The following HOOK3 variants were observed in gnomAD, a reference collection of about 807,000 sequenced individuals.
HOOK3 encodes protein Hook homolog 3.
Under a neutral mutation model 116.3 loss-of-function variants are expected in HOOK3, and 24 were observed. The observed-to-expected ratio is 0.21, with a 90% confidence interval of 0.15 to 0.29. HOOK3 has a LOEUF of 0.29. Ranked by LOEUF, HOOK3 falls within the 10% of genes least tolerant of loss-of-function variation. The pLI is 1.00. For missense variants in HOOK3, 632 were observed against 830.2 expected, an observed-to-expected ratio of 0.76 and a Z score of 2.93; for synonymous variants, 275 against 283.0, an observed-to-expected ratio of 0.97 and a Z score of 0.28.
chr8:43,027,370 C>T lies in HOOK3; in HGVS notation c.*8872C>T. 2.6e-6 allele frequency: 1 copy of T among 392,108 alleles called. No homozygotes were observed. The highest frequency in any genetic ancestry group is 2.1e-5 in the South Asian group (1 of 46,930). 24.3% of individuals were successfully genotyped at this position (392,108 alleles called of 1,614,324 possible). ...TGTTACATAAATATGGACACAATTA[C>T]TGCCAAAGAATAGAGAGATTTGCTT... On this transcript the variant is annotated 3_prime_UTR_variant, in exon 22 of 22. Transcript: ENST00000307602.
chr8:42,958,709 C>G (rs75876493), intron 7 of HOOK3, among the ~76,000 whole-genome samples: 4 of 148,798 alleles, frequency 2.7e-5, no homozygotes, highest in Non-Finnish European at 5.9e-5. Context: ...AACCCATCAT[C>G]TAGGTTTTAA....
chr8:43,008,661 T>A (rs1437112201), intron 18 of HOOK3, among the ~76,000 whole-genome samples: 35 of 148,402 alleles, frequency 2.4e-4, no homozygotes, highest in African/African-American at 7.4e-4. Context: ...ATTTTTATTT[T>A]TATTTTTTTT....
rs183342413 is a variant in HOOK3 at position 43,024,867 on chromosome 8, C to T, written c.*6369C>T. ...GAAGTATTAATATTTAGCTTCCTTT[C>T]TAGAAAACAAGGGGCAGCACAAATG... On this transcript the variant is annotated 3_prime_UTR_variant, in exon 22 of 22. Transcript: ENST00000307602. The T allele has an allele frequency of 5.3e-3, 1,112 of 208,452 alleles. 8 individuals carry two copies. The highest frequency in any genetic ancestry group is 0.013 in the South Asian group (68 of 5,296). The allele number at this position is 208,452 out of a possible 1,614,324, so 12.9% of individuals were successfully genotyped here.
At chr8:42,959,161 G>C (rs892719701) in intron 7 of HOOK3, 70 bp from the exon 8 acceptor site, 5 of 998,274 alleles carry the variant, frequency 5.0e-6, no homozygotes, top group Middle Eastern at 2.1e-4. Context: ...TTTTAATTCT[G>C]TGTTGAACAT....
intron 18 of HOOK3, among the ~76,000 whole-genome samples, chr8:43,008,478 C>T (rs548041107): frequency 3.3e-5 from 5 of 151,964 alleles, no homozygotes; most frequent in African/African-American, 7.2e-5. Flanking sequence ...CCACCCTGCC[C>T]GGCTAATTTT....
At chr8:43,011,634 G>A (rs1809614639) in intron 19 of HOOK3, among the ~76,000 whole-genome samples, 1 of 152,178 alleles carries the variant, frequency 6.6e-6, no homozygotes, top group Non-Finnish European at 1.5e-5. Context: ...GTCGCTGTAG[G>A]AGGTCAAGGC....
At chr8:43,006,210 T>C (rs1288940793) in intron 17 of HOOK3, among the ~76,000 whole-genome samples, 2 of 148,506 alleles carry the variant, frequency 1.3e-5, no homozygotes, top group African/African-American at 2.5e-5. Flanking sequence ...TTAGTAGAGA[T>C]GGGGTTTCAC....
chr8:42,964,530 A>T, intron 9 of HOOK3, 56 bp downstream of exon 9: 2 of 1,543,586 alleles, frequency 1.3e-6, no homozygotes, highest in East Asian at 4.5e-5. Flanking sequence ...TGTCATTTAA[A>T]GTTAAGAGTA....
At chr8:42,927,179 G>C (rs1172080726) in intron 3 of HOOK3, among the ~76,000 whole-genome samples, 1 of 151,296 alleles carries the variant, frequency 6.6e-6, no homozygotes, top group Non-Finnish European at 1.5e-5. Context: ...CTTAAGTATT[G>C]GGTTTGCCAA....
intron 8 of HOOK3, among the ~76,000 whole-genome samples, chr8:42,960,054 G>A (rs1347042619): frequency 1.3e-5 from 2 of 152,180 alleles, no homozygotes; most frequent in East Asian, 1.9e-4. Context: ...CGTAATGTAA[G>A]TGCCATTAAT....
intron 15 of HOOK3, among the ~76,000 whole-genome samples, chr8:42,990,094 T>C (rs1304122116): frequency 6.6e-6 from 1 of 151,918 alleles, no homozygotes; most frequent in Non-Finnish European, 1.5e-5. Flanking sequence ...CCTCCCAGGC[T>C]CAAACTGTCC....
intron 8 of HOOK3, 21 bp from the exon 9 acceptor site, chr8:42,964,290 C>G: frequency 6.2e-7 from 1 of 1,612,232 alleles, no homozygotes; most frequent in Non-Finnish European, 8.5e-7. Flanking sequence ...AAATAACTGC[C>G]GTCGTCCTAT....
At chr8:42,926,254 C>T (rs571381138) in intron 3 of HOOK3, among the ~76,000 whole-genome samples, 12 of 152,162 alleles carry the variant, frequency 7.9e-5, no homozygotes, top group East Asian at 5.8e-4. Flanking sequence ...AAAATGTTTG[C>T]GTAATCCACC....
In HOOK3 at chr8:42,931,525, G is replaced by A. The variant is rs187505113; in HGVS notation, c.267+1353G>A. Among the ~76,000 whole-genome samples, 38 of 145,566 alleles carry A rather than the reference G, an allele frequency of 2.6e-4. No individual in the cohort carries two copies. The East Asian group carries it at 4.3e-3, about 17-fold the overall frequency. ...CAGCTCACTGCAAGCTCTGCCTCCC[G>A]GGTTCATGCCATTCTCCTGCCTCAG... On this transcript the variant is annotated intron_variant, in intron 4 of 21. Transcript: ENST00000307602.
At chr8:42,949,686 G>A (rs1020677862) in intron 5 of HOOK3, among the ~76,000 whole-genome samples, 5 of 152,146 alleles carry the variant, frequency 3.3e-5, no homozygotes, top group African/African-American at 1.2e-4. Flanking sequence ...TTGGGAGGCC[G>A]AGGCAGGCGG....
At chr8:42,953,292 G>A (rs1422289734) in intron 6 of HOOK3, among the ~76,000 whole-genome samples, 2 of 150,502 alleles carry the variant, frequency 1.3e-5, no homozygotes, top group Non-Finnish European at 3.0e-5. Flanking sequence ...ACGGCCAGGC[G>A]CGGTGGCTCA....
chr8:43,023,642 A>T lies in HOOK3; in HGVS notation c.*5144A>T, dbSNP rs1809874992. The T allele has an allele frequency of 5.8e-6, 1 of 173,660 alleles. No individual in the cohort carries two copies. Among genetic ancestry groups the T allele is most frequent in the Non-Finnish European group, 1.2e-5 (1 of 80,508 alleles). 10.8% of individuals were successfully genotyped at this position (173,660 alleles called of 1,614,324 possible). A position where few individuals can be genotyped will look rare whatever the true frequency, so the allele number is the denominator to read the frequency against. On this transcript the variant is annotated 3_prime_UTR_variant, in exon 22 of 22. Coordinates refer to ENST00000307602, the MANE Select transcript of HOOK3 (RefSeq NM_032410.4). ...TAATTTTTGTATTTTTACAAAATAC[A>T]AAGAGACGGGGTTTCACCATGTTGG...
chr8:42,968,955 A>G (rs1808680145), intron 11 of HOOK3, among the ~76,000 whole-genome samples: 1 of 152,204 alleles, frequency 6.6e-6, no homozygotes, highest in Non-Finnish European at 1.5e-5. Flanking sequence ...TAAATGATAC[A>G]GTGAAAGCAC....
At chr8:42,905,295 CTTTTT>C (rs757313100) in intron 1 of HOOK3, among the ~76,000 whole-genome samples, 1 of 60,848 alleles carries the variant, frequency 1.6e-5, no homozygotes, top group Non-Finnish European at 3.4e-5. Flanking sequence ...GGACATAGTT[CTTTTT>C]TTTTTTTTTT....
Sources: allele counts gnomAD v4.1 joint callset (sites outside exome capture counted in the v4.1 genomes callset), GRCh38; gene constraint gnomAD v4.1.1; transcripts MANE v1.5; gene names NCBI Gene and HGNC (gene_info 2026-07-23, HGNC 2026-07-21).